REEP6: variants seen among roughly 807,000 people sequenced by gnomAD.
REEP6 encodes receptor accessory protein 6.
A neutral mutation model predicts 22.4 loss-of-function variants in REEP6; 19 were observed. The observed-to-expected ratio is 0.85, with a 90% CI of 0.59 to 1.25. REEP6 has a LOEUF of 1.25. REEP6 is among the 50% of genes most tolerant of loss of function. The pLI is 0.00. For synonymous variants in REEP6, 121 were observed against 113.6 expected, an observed-to-expected ratio of 1.06 and a Z score of -0.41; for missense variants, 273 against 251.9, an observed-to-expected ratio of 1.08 and a Z score of -0.57.
At position 1,497,128 on chromosome 19, in the gene REEP6, C is replaced by T; in HGVS notation, c.518-46C>T. On this transcript the variant is annotated intron_variant, in intron 4 of 4. Coordinates refer to ENST00000233596, the MANE Select transcript of REEP6 (RefSeq NM_138393.4). The surrounding 1 kb of genome is among the most constrained non-coding windows in gnomAD (Gnocchi z 6.5). ...CCGCCTGCGAGCAGCTCCGGGGAGC[C>T]CAGGCCTGCCTCACGGCCCTCCCCC... 1 of 1,343,866 alleles carries T rather than the reference C, an allele frequency of 7.4e-7. No homozygotes were observed. The highest frequency in any genetic ancestry group is 1.0e-6 in the Non-Finnish European group (1 of 1,001,394). 83.2% of individuals were successfully genotyped at this position (1,343,866 alleles called of 1,614,324 possible). A position where few individuals can be genotyped will look rare whatever the true frequency, so the allele number is the denominator to read the frequency against.
Position 1,491,273 on chromosome 19 carries a change from G to A in REEP6, c.4G>A (p.Asp2Asn). The A allele has an allele frequency of 6.1e-6, 9 of 1,466,574 alleles. No individual in the cohort carries two copies. Among genetic ancestry groups the A allele is most frequent in the Middle Eastern group, 3.6e-4 (2 of 5,542 alleles). 90.8% of individuals were successfully genotyped at this position (1,466,574 alleles called of 1,614,324 possible). Residue 2 changes from aspartate to asparagine, a missense_variant, in exon 1 of 5, where the codon GAC becomes AAC. Asp to Asn is a conservative substitution (Grantham distance 23, BLOSUM62 1). Coordinates refer to ENST00000233596, the MANE Select transcript of REEP6 (RefSeq NM_138393.4). This position sits in a 1 kb window ranked among gnomAD's most constrained non-coding sequence, Gnocchi z 5.4. ...CAACCCCGGGCGCGTCGGGGCCATGGACGGCCTGAGGCAGCGCGTGGAGCA... is the reference window on the plus strand; with the variant it reads ...CAACCCCGGGCGCGTCGGGGCCATGAACGGCCTGAGGCAGCGCGTGGAGCA... M[D>N]GLRQRVEHFL...
rs1409786548 is a variant in REEP6 at position 1,496,645 on chromosome 19, G to A, written c.517+192G>A. On this transcript the variant is annotated intron_variant, in intron 4 of 4. Coordinates refer to ENST00000233596, the MANE Select transcript of REEP6 (RefSeq NM_138393.4). Reference sequence around the variant, plus strand: ...GGCATCACCCCGGTGGCTGTGGCCGGGCCCTCCACTCCCCTGGAAGCTGAC... The same window carrying A: ...GGCATCACCCCGGTGGCTGTGGCCGAGCCCTCCACTCCCCTGGAAGCTGAC... 3 of 769,776 alleles carry A rather than the reference G, an allele frequency of 3.9e-6. No homozygotes were observed. In the East Asian group the frequency reaches 8.0e-5, roughly 20 times the overall value. The allele number at this position is 769,776 out of a possible 1,614,324, so 47.7% of individuals were successfully genotyped here.
At position 1,492,970 on chromosome 19, in the gene REEP6, G is replaced by A. The variant is rs142407211; in HGVS notation, c.115+1586G>A. ...GGAATTTAGGTCGTAGAGCGCCCAGGAGGCAGGCAGCAGGGAGGGGCTGCC... is the reference window on the plus strand; with the variant it reads ...GGAATTTAGGTCGTAGAGCGCCCAGAAGGCAGGCAGCAGGGAGGGGCTGCC... On this transcript the variant is annotated intron_variant, in intron 1 of 4. Coordinates refer to ENST00000233596, the MANE Select transcript of REEP6 (RefSeq NM_138393.4). Among the ~76,000 whole-genome samples, 653 of 152,316 alleles carry A rather than the reference G, an allele frequency of 4.3e-3. 3 individuals are homozygous for A. Among genetic ancestry groups the A allele is most frequent in the Non-Finnish European group, 6.4e-3 (435 of 68,020 alleles).
chr19:1,497,089 C>CAGT lies in REEP6; in HGVS notation c.518-82_518-80dup. 8.8e-7 allele frequency: 1 copy of CAGT among 1,131,074 alleles called. No individual in the cohort carries two copies. Among genetic ancestry groups the CAGT allele is most frequent in the Non-Finnish European group, 1.2e-6 (1 of 815,532 alleles). 70.1% of individuals were successfully genotyped at this position (1,131,074 alleles called of 1,614,324 possible). A position where few individuals can be genotyped will look rare whatever the true frequency, so the allele number is the denominator to read the frequency against. ...CCCCTCGACTTGTCATGCTCATAGC[C>CAGT]AGTAGCCTCAGTCCCGCCTGCGAGC... On this transcript the variant is annotated intron_variant, in intron 4 of 4. Transcript: ENST00000233596. This position sits in a 1 kb window ranked among gnomAD's most constrained non-coding sequence, Gnocchi z 6.5.
rs374145945 is a variant in REEP6, at chr19:1,496,387, G to A, written c.451G>A (p.Val151Ile). The change falls in exon 4 of 5, where the codon GTA becomes ATA. Residue 151 changes from valine to isoleucine, a missense_variant. Physicochemically the swap from Val to Ile is conservative, Grantham distance 29. Transcript: ENST00000233596. ...RPLFLRHHGA[V>I]DRIMNDLSGR... ...GCTGTTCCTAAGGCACCACGGGGCC[G>A]TAGACAGAATCATGAACGACCTCAG... 82 of 1,613,166 alleles carry A rather than the reference G, an allele frequency of 5.1e-5. No individual in the cohort carries two copies. The South Asian group carries it at 6.5e-4, about 13-fold the overall frequency.
intron 1 of REEP6, among the ~76,000 whole-genome samples, chr19:1,493,652 A>G (rs1309562785): frequency 6.7e-6 from 1 of 149,654 alleles, no homozygotes; most frequent in Non-Finnish European, 1.5e-5. Flanking sequence ...CGCTTAATAA[A>G]TGCAGCTGTC....
intron 1 of REEP6, among the ~76,000 whole-genome samples, chr19:1,494,371 C>T (rs1300954559): frequency 2.0e-5 from 3 of 152,098 alleles, no homozygotes; most frequent in East Asian, 3.9e-4. Context: ...TACCTGTAGT[C>T]GTCATGACTT....
chr19:1,495,777 C>A, intron 3 of REEP6, 170 bp downstream of exon 3: 1 of 866,708 alleles, frequency 1.2e-6, no homozygotes, highest in Non-Finnish European at 1.7e-6. Flanking sequence ...TGGTGGAGGG[C>A]CCACCCTGAA....
At position 1,491,474 on chromosome 19, in the gene REEP6, G is replaced by C. The variant is rs2084938266; in HGVS notation, c.115+90G>C. The C allele has an allele frequency of 3.1e-6, 3 of 955,440 alleles. No individual in the cohort carries two copies. The allele number at this position is 955,440 out of a possible 1,614,324, so 59.2% of individuals were successfully genotyped here. A position where few individuals can be genotyped will look rare whatever the true frequency, so the allele number is the denominator to read the frequency against. ...AGACCGGACTCCTTCCCCGGCTACGGGGTCCGGTCCGGCCGGTGGAGCGCG... is the reference window on the plus strand; with the variant it reads ...AGACCGGACTCCTTCCCCGGCTACGCGGTCCGGTCCGGCCGGTGGAGCGCG... On this transcript the variant is annotated intron_variant, in intron 1 of 4. Coordinates refer to ENST00000233596, the MANE Select transcript of REEP6 (RefSeq NM_138393.4). The surrounding 1 kb of genome is among the most constrained non-coding windows in gnomAD (Gnocchi z 5.4).
At chr19:1,496,011 C>T in intron 3 of REEP6, 2 of 545,670 alleles carry the variant, frequency 3.7e-6, no homozygotes, top group South Asian at 2.5e-5. Context: ...TGGCACAGGG[C>T]CCACCCCTAA....
rs1568234964 is a variant in REEP6, at chr19:1,495,563, A to T, written c.304A>T (p.Ser102Cys). 2 of 1,614,090 alleles carry T rather than the reference A, an allele frequency of 1.2e-6. No individual in the cohort carries two copies. The highest frequency in any genetic ancestry group is 2.2e-5 in the East Asian group (1 of 44,884). Residue 102 changes from serine (S) to cysteine (C), a missense_variant, in exon 3 of 5, where the codon AGC becomes TGC. Coordinates refer to ENST00000233596, the MANE Select transcript of REEP6 (RefSeq NM_138393.4). ...YALFGLAEFF[S>C]DLLLSWFPFY... ...CCTGTTTGGGCTGGCCGAGTTCTTCAGCGATCTACTCCTGTCCTGGTTCCC... is the reference window on the plus strand; with the variant it reads ...CCTGTTTGGGCTGGCCGAGTTCTTCTGCGATCTACTCCTGTCCTGGTTCCC...
At chr19:1,492,498 T>C (rs1484116284) in intron 1 of REEP6, among the ~76,000 whole-genome samples, 1 of 152,122 alleles carries the variant, frequency 6.6e-6, no homozygotes, top group Admixed American at 6.6e-5. Context: ...CTTAAACTTC[T>C]GGGCTCAAGC....
chr19:1,491,255 G>A lies in REEP6; in HGVS notation c.-15G>A. The A allele has an allele frequency of 2.1e-6, 3 of 1,458,244 alleles. No individual in the cohort carries two copies. Among genetic ancestry groups the A allele is most frequent in the Non-Finnish European group, 1.8e-6 (2 of 1,102,074 alleles). The allele number at this position is 1,458,244 out of a possible 1,614,324, so 90.3% of individuals were successfully genotyped here. ...CGGGCGAGCTCGAGCAGCCAACCCC[G>A]GGCGCGTCGGGGCCATGGACGGCCT... On this transcript the variant is annotated 5_prime_UTR_variant, in exon 1 of 5. Coordinates refer to ENST00000233596, the MANE Select transcript of REEP6 (RefSeq NM_138393.4). The surrounding 1 kb of genome is among the most constrained non-coding windows in gnomAD (Gnocchi z 5.4).
chr19:1,494,090 A>T (rs2084986574), intron 1 of REEP6, among the ~76,000 whole-genome samples: 1 of 152,136 alleles, frequency 6.6e-6, no homozygotes, highest in Non-Finnish European at 1.5e-5. Context: ...AATAAATAGA[A>T]ATAAACGTGC....
chr19:1,493,919 C>G (rs1213177971), intron 1 of REEP6, among the ~76,000 whole-genome samples: 1 of 152,122 alleles, frequency 6.6e-6, no homozygotes, highest in East Asian at 1.9e-4. Context: ...GAAACCCCGT[C>G]TCTACTAAAA....
At position 1,497,849 on chromosome 19, in the gene REEP6, G is replaced by A. The variant is rs993538547; in HGVS notation, c.*638G>A. 5 of 470,346 alleles carry A rather than the reference G, an allele frequency of 1.1e-5. No homozygotes were observed. Among genetic ancestry groups the A allele is most frequent in the Middle Eastern group, 3.3e-4 (1 of 3,074 alleles). The allele number at this position is 470,346 out of a possible 1,614,324, so 29.1% of individuals were successfully genotyped here. A position where few individuals can be genotyped will look rare whatever the true frequency, so the allele number is the denominator to read the frequency against. ...TCACCTGCAGCTGGCCACACCACAG[G>A]CCCCCGTGCCTGCAGCACTACTGGT... On this transcript the variant is annotated 3_prime_UTR_variant, in exon 5 of 5. Coordinates refer to ENST00000233596, the MANE Select transcript of REEP6 (RefSeq NM_138393.4). This position sits in a 1 kb window ranked among gnomAD's most constrained non-coding sequence, Gnocchi z 6.5.
intron 3 of REEP6, 165 bp from the exon 4 acceptor site, chr19:1,496,120 T>A: frequency 2.5e-6 from 2 of 803,164 alleles, no homozygotes; most frequent in East Asian, 2.8e-5. Context: ...CCCAGGCCCA[T>A]CCCAATAGGA....
chr19:1,492,415 C>A (rs2084968000), intron 1 of REEP6, among the ~76,000 whole-genome samples: 2 of 152,156 alleles, frequency 1.3e-5, no homozygotes, highest in Non-Finnish European at 2.9e-5. Context: ...GCATGAGCCA[C>A]CTTGCCTGGC....
rs777410225 is a variant in REEP6, at chr19:1,491,829, C to T, written c.115+445C>T. Among the ~76,000 whole-genome samples, 10 of 152,162 alleles carry T rather than the reference C, an allele frequency of 6.6e-5. No individual in the cohort carries two copies. The highest frequency in any genetic ancestry group is 3.3e-4 in the Admixed American group (5 of 15,280). ...ACCGTCCTGGGGGCCTGCCCAGGAC[C>T]CTTCTCCTTTCCTCCTCCTCTCCTG... On this transcript the variant is annotated intron_variant, in intron 1 of 4. Coordinates refer to ENST00000233596, the MANE Select transcript of REEP6 (RefSeq NM_138393.4). The surrounding 1 kb of genome is among the most constrained non-coding windows in gnomAD (Gnocchi z 5.4).
Sources: gnomAD v4.1 joint callset for allele counts (sites outside exome capture counted in the v4.1 genomes callset) on GRCh38, gnomAD v4.1.1 for gene constraint, Gnocchi (gnomAD v3.1) non-coding constraint, MANE v1.5 for transcripts, NCBI Gene and HGNC (gene_info 2026-07-23, HGNC 2026-07-21) for gene names.